CACNG3: variants seen among roughly 807,000 people sequenced by gnomAD.
The protein encoded by CACNG3 is calcium voltage-gated channel auxiliary subunit gamma 3, also known as voltage-dependent calcium channel gamma-3 subunit.
In CACNG3, 3 loss-of-function variants were observed where a neutral mutation model predicts 28.5. That is an observed-to-expected ratio of 0.11 (90% CI 0.05 to 0.27). CACNG3 has a LOEUF of 0.27. Among genes scored for constraint, CACNG3 ranks in the 10% least tolerant of loss-of-function variants. The pLI, the probability that CACNG3 is intolerant of heterozygous loss-of-function variation, is 1.00. For synonymous variants in CACNG3, 174 were observed against 162.2 expected (o/e 1.07, Z -0.55); for missense variants, 236 against 414.4 (o/e 0.57, Z 3.74).
At chr16:24,300,885 T>C (rs950479020) in intron 1 of CACNG3, among the ~76,000 whole-genome samples, 1 of 151,810 alleles carries the variant, frequency 6.6e-6, no homozygotes, top group Non-Finnish European at 1.5e-5. Flanking sequence ...CCCATCTCTA[T>C]GAAAAATACA....
chr16:24,345,841 T>C (rs1899857100), intron 1 of CACNG3, among the ~76,000 whole-genome samples: 1 of 152,142 alleles, frequency 6.6e-6, no homozygotes, highest in Non-Finnish European at 1.5e-5. Flanking sequence ...AAAGGGAGTG[T>C]CCTGTGGTCA....
intron 1 of CACNG3, among the ~76,000 whole-genome samples, chr16:24,335,629 G>A (rs946337113): frequency 3.3e-5 from 5 of 152,048 alleles, no homozygotes; most frequent in African/African-American, 7.2e-5. Context: ...ATTCAAACCC[G>A]CTCATTCTGG....
chr16:24,277,301 G>A (rs539702164), intron 1 of CACNG3, among the ~76,000 whole-genome samples: 40 of 152,276 alleles, frequency 2.6e-4, no homozygotes, highest in South Asian at 1.0e-3. Flanking sequence ...AGTAGCTCTC[G>A]ACAGGAACAT....
chr16:24,269,238 G>T (rs1235583683), intron 1 of CACNG3, among the ~76,000 whole-genome samples: 2 of 152,194 alleles, frequency 1.3e-5, no homozygotes, highest in East Asian at 1.9e-4. Context: ...ACAACCTGTT[G>T]TACAGCAGAT....
chr16:24,346,717 C>T lies in CACNG3; in HGVS notation c.212-17C>T, dbSNP rs551077857. 3 of 1,605,330 alleles carry T rather than the reference C, an allele frequency of 1.9e-6. No individual in the cohort carries two copies. The highest frequency in any genetic ancestry group is 1.7e-6 in the Non-Finnish European group (2 of 1,171,944). On this transcript the variant is annotated splice_polypyrimidine_tract_variant and intron_variant, in intron 1 of 3. Coordinates refer to ENST00000005284, the MANE Select transcript of CACNG3 (RefSeq NM_006539.4). ...TGTCTCCTCCCCCAGGCTCAGAACC[C>T]TTATCTGTTTCCACAGGGGCTTTCC...
At chr16:24,300,206 A>G (rs948858456) in intron 1 of CACNG3, among the ~76,000 whole-genome samples, 40 of 152,220 alleles carry the variant, frequency 2.6e-4, no homozygotes, top group African/African-American at 9.1e-4. Flanking sequence ...ACTGCTTCCA[A>G]ACTGCTTTCA....
chr16:24,273,698 T>G (rs920259099), intron 1 of CACNG3, among the ~76,000 whole-genome samples: 3 of 152,218 alleles, frequency 2.0e-5, no homozygotes, highest in African/African-American at 7.2e-5. Flanking sequence ...TGTCACAATC[T>G]CTGAGTCACT....
At chr16:24,292,534 G>A (rs1204230016) in intron 1 of CACNG3, among the ~76,000 whole-genome samples, 3 of 152,056 alleles carry the variant, frequency 2.0e-5, no homozygotes, top group Admixed American at 6.6e-5. Flanking sequence ...CCTGGAGCTC[G>A]AATTCCTTCC....
chr16:24,327,494 T>G (rs1409566491), intron 1 of CACNG3, among the ~76,000 whole-genome samples: 1 of 121,336 alleles, frequency 8.2e-6, no homozygotes, highest in Admixed American at 9.0e-5. Context: ...TATGAATATA[T>G]ACATATATAT....
chr16:24,324,198 A>G (rs973369745), intron 1 of CACNG3, among the ~76,000 whole-genome samples: 1 of 152,196 alleles, frequency 6.6e-6, no homozygotes, highest in African/African-American at 2.4e-5. Context: ...AAAGGTCCCA[A>G]TGTCACACAG....
intron 1 of CACNG3, among the ~76,000 whole-genome samples, chr16:24,322,015 T>C (rs1899467218): frequency 6.6e-6 from 1 of 152,182 alleles, no homozygotes; most frequent in African/African-American, 2.4e-5. Context: ...GACTGCTGTA[T>C]ACCCGTGTAC....
At chr16:24,327,510 TG>T (rs1179032186) in intron 1 of CACNG3, among the ~76,000 whole-genome samples, 32 of 114,130 alleles carry the variant, frequency 2.8e-4, no homozygotes, top group African/African-American at 1.1e-3. Flanking sequence ...TATATATATA[TG>T]GGGGGGCTGA....
At chr16:24,304,112 TG>T (rs1344177484) in intron 1 of CACNG3, among the ~76,000 whole-genome samples, 2 of 152,164 alleles carry the variant, frequency 1.3e-5, no homozygotes, top group African/African-American at 4.8e-5. Flanking sequence ...TCGGCAGGAC[TG>T]GATTAATAGC....
intron 1 of CACNG3, among the ~76,000 whole-genome samples, chr16:24,273,723 C>A (rs1003515789): frequency 1.3e-5 from 2 of 152,110 alleles, no homozygotes; most frequent in African/African-American, 2.4e-5. Context: ...GAAAAATGTC[C>A]AAATGGAGTT....
chr16:24,317,554 AAAAGAAAGAAAGAAAG>A lies in CACNG3; in HGVS notation c.212-29122_212-29107del, dbSNP rs1202219518. Among the ~76,000 whole-genome samples, 546 of 85,330 alleles carry A rather than the reference AAAAGAAAGAAAGAAAG, an allele frequency of 6.4e-3. 8 individuals are homozygous for A. The highest frequency in any genetic ancestry group is 9.8e-3 in the African/African-American group (214 of 21,896). The allele number at this position is 85,330 out of a possible 152,430, so 56.0% of individuals were successfully genotyped here. ...GATTCTGTCTCAAAAAAAAAAAAGA[AAAAGAAAGAAAGAAAG>A]AAAGAAAGAAAGAAAGAAAGAAAGA... On this transcript the variant is annotated intron_variant, in intron 1 of 3. Transcript: ENST00000005284.
intron 1 of CACNG3, among the ~76,000 whole-genome samples, chr16:24,274,635 A>T (rs1361442407): frequency 6.6e-6 from 1 of 152,158 alleles, no homozygotes; most frequent in South Asian, 2.1e-4. Flanking sequence ...ATGGCATATG[A>T]TGACAAATCT....
rs9929746 is a variant in CACNG3 at position 24,317,312 on chromosome 16, C to T, written c.212-29422C>T. Among the ~76,000 whole-genome samples, 1,223 of 152,086 alleles carry T rather than the reference C, an allele frequency of 8.0e-3. 16 individuals carry two copies. The highest frequency in any genetic ancestry group is 0.028 in the African/African-American group (1,162 of 41,514). On this transcript the variant is annotated intron_variant, in intron 1 of 3. Coordinates refer to ENST00000005284, the MANE Select transcript of CACNG3 (RefSeq NM_006539.4). ...ATCCCAGCACTTTGGGAGGCCAAAA[C>T]GGGCGGATCACTTAAGGTCAGGAGT...
intron 1 of CACNG3, among the ~76,000 whole-genome samples, chr16:24,337,278 C>T (rs975540345): frequency 3.3e-5 from 5 of 152,180 alleles, no homozygotes; most frequent in African/African-American, 1.2e-4. Context: ...TAGGCACCTG[C>T]TGAAGAAGAA....
At chr16:24,338,455 T>C (rs1473959711) in intron 1 of CACNG3, among the ~76,000 whole-genome samples, 1 of 152,154 alleles carries the variant, frequency 6.6e-6, no homozygotes, top group Non-Finnish European at 1.5e-5. Context: ...GTTATTCTCC[T>C]GCCTCAGCCT....
Sources: allele counts gnomAD v4.1 joint callset (sites outside exome capture counted in the v4.1 genomes callset), GRCh38; gene constraint gnomAD v4.1.1; transcripts MANE v1.5; gene names NCBI Gene and HGNC (gene_info 2026-07-23, HGNC 2026-07-21).